The following MTAP variants were observed in gnomAD, a reference collection of about 807,000 sequenced individuals.
MTAP encodes the protein methylthioadenosine phosphorylase, also known as S-methyl-5'-thioadenosine phosphorylase.
A neutral mutation model predicts 33.6 loss-of-function variants in MTAP; 33 were observed. The observed-to-expected ratio is 0.98, with a 90% CI of 0.74 to 1.31. The LOEUF (loss-of-function observed/expected upper bound fraction) is 1.31. Ranked by LOEUF, MTAP falls within the 40% of genes most tolerant of loss-of-function variation. The pLI, the probability that MTAP is intolerant of heterozygous loss-of-function variation, is 0.00. For missense variants in MTAP, 367 were observed against 360.0 expected, an observed-to-expected ratio of 1.02 and a Z score of -0.16; for synonymous variants, 148 against 125.7, an observed-to-expected ratio of 1.18 and a Z score of -1.19.
At chr9:21,926,167 A>G (rs1394445250) in intron 1 of MTAP, among the ~76,000 whole-genome samples, 1 of 152,194 alleles carries the variant, frequency 6.6e-6, no homozygotes, top group Non-Finnish European at 1.5e-5. Context: ...AAAGGTCATA[A>G]TGATAATGCC....
downstream of MTAP, among the ~76,000 whole-genome samples, chr9:21,869,750 G>C (rs1490621395): frequency 6.6e-6 from 1 of 152,086 alleles, no homozygotes; most frequent in Non-Finnish European, 1.5e-5. Flanking sequence ...TACAGCTACT[G>C]CTTCCAACCT....
At chr9:21,854,568 A>C (rs1427215586) in intron 5 of MTAP, 63 bp from the exon 6 acceptor site, 1 of 1,466,538 alleles carries the variant, frequency 6.8e-7, no homozygotes, top group African/African-American at 1.4e-5. Context: ...CATTGGGGGG[A>C]AGTGCAGCCT....
intron 5 of MTAP, among the ~76,000 whole-genome samples, chr9:21,840,760 A>G (rs1825222725): frequency 1.3e-5 from 2 of 152,310 alleles, no homozygotes; most frequent in Admixed American, 6.5e-5. Context: ...GGCAGAGTCC[A>G]AGGGACTAAT....
rs1247281506 is a variant in MTAP, at chr9:21,864,373, A to C, written c.*2359A>C. 3 of 984,788 alleles carry C rather than the reference A, an allele frequency of 3.0e-6. No individual in the cohort carries two copies. The highest frequency in any genetic ancestry group is 2.3e-4 in the East Asian group (2 of 8,800). 61.0% of individuals were successfully genotyped at this position (984,788 alleles called of 1,614,324 possible). A position where few individuals can be genotyped will look rare whatever the true frequency, so the allele number is the denominator to read the frequency against. ...TAATTTTTTTTTTTTAATTTAAGCTAGTATACTAAGTGAACACCATGGTCA... is the reference window on the plus strand; with the variant it reads ...TAATTTTTTTTTTTTAATTTAAGCTCGTATACTAAGTGAACACCATGGTCA... On this transcript the variant is annotated 3_prime_UTR_variant, in exon 8 of 8. Transcript: ENST00000644715.
chr9:21,894,834 T>A (rs1818263407), intron 1 of MTAP, among the ~76,000 whole-genome samples: 1 of 151,834 alleles, frequency 6.6e-6, no homozygotes, highest in African/African-American at 2.4e-5. Context: ...CAGCAACATT[T>A]TAGGGTACAA....
intron 6 of MTAP, among the ~76,000 whole-genome samples, chr9:21,855,420 GGGTACACTA>G (rs1201730830): frequency 6.6e-6 from 1 of 152,204 alleles, no homozygotes; most frequent in Admixed American, 6.5e-5. Context: ...TGAGGTACAA[GGGTACACTA>G]GGTCAACTGA....
At chr9:21,851,301 G>A (rs2118477326) in intron 5 of MTAP, among the ~76,000 whole-genome samples, 1 of 152,238 alleles carries the variant, frequency 6.6e-6, no homozygotes, top group Admixed American at 6.5e-5. Flanking sequence ...ACCAGCTACA[G>A]AAATGAGGAC....
intron 6 of MTAP, among the ~76,000 whole-genome samples, chr9:21,855,621 G>A (rs1459255737): frequency 3.3e-5 from 5 of 152,160 alleles, no homozygotes; most frequent in Admixed American, 3.3e-4. Context: ...TCAGATGGAA[G>A]GACAGTGAGG....
chr9:21,827,771 AGT>A (rs1345110703), intron 4 of MTAP, among the ~76,000 whole-genome samples: 1 of 152,124 alleles, frequency 6.6e-6, no homozygotes, highest in Non-Finnish European at 1.5e-5. Flanking sequence ...GATAGGCTGG[AGT>A]TTGTGTTTTG....
intron 4 of MTAP, among the ~76,000 whole-genome samples, chr9:21,819,993 A>T (rs1563833055): frequency 6.6e-6 from 1 of 151,734 alleles, no homozygotes; most frequent in African/African-American, 2.4e-5. Context: ...GGGTTGTTTG[A>T]TTTTTTTCTT....
chr9:21,871,516 T>C (rs1460124557), downstream of MTAP, among the ~76,000 whole-genome samples: 1 of 152,242 alleles, frequency 6.6e-6, no homozygotes, highest in Non-Finnish European at 1.5e-5. Context: ...TGTGTGATGG[T>C]TCAGGAATTA....
chr9:21,909,395 T>C (rs1156439762), intron 1 of MTAP, among the ~76,000 whole-genome samples: 1 of 152,138 alleles, frequency 6.6e-6, no homozygotes, highest in Non-Finnish European at 1.5e-5. Flanking sequence ...AGAATGTATA[T>C]AGTCCATATA....
At chr9:21,872,731 T>A (rs968441691) in intron 1 of MTAP, among the ~76,000 whole-genome samples, 3 of 152,202 alleles carry the variant, frequency 2.0e-5, no homozygotes, top group Admixed American at 6.5e-5. Flanking sequence ...CAAGCATTAA[T>A]GACCCTTTTT....
intron 1 of MTAP, among the ~76,000 whole-genome samples, chr9:21,887,747 A>G (rs185780098): frequency 1.3e-5 from 2 of 152,214 alleles, no homozygotes; most frequent in East Asian, 1.9e-4. Flanking sequence ...AAGTGTTCCT[A>G]TTTCTCCACA....
At chr9:21,834,406 G>A (rs774689872) in intron 4 of MTAP, among the ~76,000 whole-genome samples, 1 of 152,112 alleles carries the variant, frequency 6.6e-6, no homozygotes, top group Non-Finnish European at 1.5e-5. Context: ...CTAGCTAGAG[G>A]GCTTTAAAGG....
At chr9:21,896,341 A>T (rs1309658959) in intron 1 of MTAP, among the ~76,000 whole-genome samples, 3 of 152,208 alleles carry the variant, frequency 2.0e-5, no homozygotes, top group Non-Finnish European at 2.9e-5. Context: ...GAGAAGCAAG[A>T]GCAAACACAT....
chr9:21,879,858 G>A lies in MTAP; in HGVS notation c.147+24988G>A, dbSNP rs144251143. On this transcript the variant is annotated intron_variant, in intron 1 of 1. Coordinates refer to the MTAP transcript ENST00000577563. ...TTTTCTTCATGAATGTTGAATATAGGCCCCCAATCCCTTCTGGCTTGTAGG... is the reference window on the plus strand; with the variant it reads ...TTTTCTTCATGAATGTTGAATATAGACCCCCAATCCCTTCTGGCTTGTAGG... Among the ~76,000 whole-genome samples, 455 of 152,138 alleles carry A rather than the reference G, an allele frequency of 3.0e-3. 2 individuals carry two copies. The highest frequency in any genetic ancestry group is 5.2e-3 in the Admixed American group (79 of 15,250).
chr9:21,808,491 A>G (rs1824263749), intron 1 of MTAP, among the ~76,000 whole-genome samples: 1 of 150,420 alleles, frequency 6.6e-6, no homozygotes, highest in Non-Finnish European at 1.5e-5. Context: ...TTGGGGGCTG[A>G]GGTAGGAGGG....
chr9:21,940,772 A>G (rs1051225373), downstream of MTAP, among the ~76,000 whole-genome samples: 2 of 152,172 alleles, frequency 1.3e-5, no homozygotes, highest in African/African-American at 4.8e-5. Context: ...TCATCCTAGC[A>G]CCTCATTGTG....
Sources: allele counts gnomAD v4.1 joint callset (sites outside exome capture counted in the v4.1 genomes callset), GRCh38; gene constraint gnomAD v4.1.1; transcripts MANE v1.5; gene names NCBI Gene and HGNC (gene_info 2026-07-23, HGNC 2026-07-21).